PHTF1: variants seen among roughly 807,000 people sequenced by gnomAD.
The protein encoded by PHTF1 is protein PHTF1.
A neutral mutation model predicts 102.4 loss-of-function variants in PHTF1; 88 were observed. The ratio of observed to expected loss-of-function variants is 0.86; its 90% CI spans 0.72 to 1.03. The LOEUF (loss-of-function observed/expected upper bound fraction) is 1.03. Ranked by LOEUF, PHTF1 falls within the 50% of genes least tolerant of loss-of-function variation. The probability of loss-of-function intolerance (pLI) is 0.00; values close to 1 mark genes in which losing one functional copy is unlikely to be tolerated. For missense variants in PHTF1, 814 were observed against 909.5 expected, an observed-to-expected ratio of 0.89 and a Z score of 1.35; for synonymous variants, 289 against 305.2, an observed-to-expected ratio of 0.95 and a Z score of 0.55.
rs34844793 is a variant in PHTF1, at chr1:113,701,826, TAAAAAAAAAAAAAAAAAAA to T, written c.1891-896_1891-878del. On this transcript the variant is annotated intron_variant, in intron 15 of 18. Coordinates refer to ENST00000369604, the MANE Select transcript of PHTF1 (RefSeq NM_001323043.2). ...TGGCAACCTGGAATTCAATTCCTGG[TAAAAAAAAAAAAAAAAAAA>T]AAAAAAAAAAAAAATCATTCAGAAG... 2.5e-3 allele frequency among the ~76,000 whole-genome samples: 71 copies of T among 28,006 alleles called. 3 individuals carry two copies. Among genetic ancestry groups the T allele is most frequent in the Middle Eastern group, 0.062 (2 of 32 alleles). 18.4% of individuals were successfully genotyped at this position (28,006 alleles called of 152,430 possible). A position where few individuals can be genotyped will look rare whatever the true frequency, so the allele number is the denominator to read the frequency against.
chr1:113,753,226 T>C (rs1345600049), intron 3 of PHTF1, among the ~76,000 whole-genome samples: 1 of 152,230 alleles, frequency 6.6e-6, no homozygotes, highest in Non-Finnish European at 1.5e-5. Flanking sequence ...TCTTATGATG[T>C]CTTTGTCTGG....
At chr1:113,712,682 T>C (rs530738171) in intron 8 of PHTF1, among the ~76,000 whole-genome samples, 1 of 152,328 alleles carries the variant, frequency 6.6e-6, no homozygotes, top group South Asian at 2.1e-4. Context: ...CCCAAACTCT[T>C]ACTATACTAT....
intron 3 of PHTF1, among the ~76,000 whole-genome samples, chr1:113,742,349 C>T (rs1025064686): frequency 3.9e-5 from 6 of 152,082 alleles, no homozygotes; most frequent in South Asian, 2.1e-4. Flanking sequence ...TGGGGCTGGG[C>T]GCGGTGGCTC....
At chr1:113,734,462 T>A (rs912446972) in intron 5 of PHTF1, among the ~76,000 whole-genome samples, 3 of 152,218 alleles carry the variant, frequency 2.0e-5, no homozygotes, top group Admixed American at 6.5e-5. Context: ...CAATCCTTGT[T>A]ACAGAGTGGT....
chr1:113,734,295 A>C (rs896864438), intron 5 of PHTF1, among the ~76,000 whole-genome samples: 1 of 152,142 alleles, frequency 6.6e-6, no homozygotes, highest in African/African-American at 2.4e-5. Flanking sequence ...AAAAACAAAG[A>C]AAGAAAAGAG....
At chr1:113,750,645 T>C (rs1657921986) in intron 3 of PHTF1, among the ~76,000 whole-genome samples, 1 of 149,244 alleles carries the variant, frequency 6.7e-6, no homozygotes, top group East Asian at 2.1e-4. Context: ...GATCATGAAA[T>C]CAAGAGATCG....
Position 113,724,761 on chromosome 1 carries a change from G to C in PHTF1, c.621C>G (p.Asn207Lys). The change falls in exon 7 of 19, where the codon AAC becomes AAG. Residue 207 changes from asparagine to lysine, a missense_variant and splice_region_variant. Coordinates refer to ENST00000369604, the MANE Select transcript of PHTF1 (RefSeq NM_001323043.2). ...IGGFWETIFGNRIKRVKLISN... is the reference protein window; with the variant it reads ...IGGFWETIFGKRIKRVKLISN... ...AATCAAGTAAAAAAGACTCCCACCT[G>C]TTGCCAAAGATAGTCTCCCAAAAAC... is the stretch of plus-strand genomic sequence containing the variant. 6.3e-7 allele frequency: 1 copy of C among 1,594,184 alleles called. No homozygotes were observed. Among genetic ancestry groups the C allele is most frequent in the Non-Finnish European group, 8.5e-7 (1 of 1,174,106 alleles).
chr1:113,710,120 C>CTATATG lies in PHTF1; in HGVS notation c.1269+133_1269+134insCATATA, dbSNP rs2101152574. 1.6e-5 allele frequency: 11 copies of CTATATG among 680,458 alleles called. No individual in the cohort carries two copies. The South Asian group carries it at 2.0e-4, about 12-fold the overall frequency. 42.2% of individuals were successfully genotyped at this position (680,458 alleles called of 1,614,324 possible). A position where few individuals can be genotyped will look rare whatever the true frequency, so the allele number is the denominator to read the frequency against. The stretch of plus-strand genomic sequence containing the variant: ...TTCACTTATAGACTATGCTCAGTTT[C>CTATATG]CTCACCTCTAAACTGGGGATAATAA... On this transcript the variant is annotated intron_variant, in intron 11 of 18. Transcript: ENST00000369604.
chr1:113,751,119 A>C (rs980627617), intron 3 of PHTF1, among the ~76,000 whole-genome samples: 1 of 152,162 alleles, frequency 6.6e-6, no homozygotes, highest in Non-Finnish European at 1.5e-5. Flanking sequence ...ATATTTTTTA[A>C]AAATTTAGAA....
At chr1:113,755,964 G>A (rs1658805423) in intron 3 of PHTF1, among the ~76,000 whole-genome samples, 1 of 151,858 alleles carries the variant, frequency 6.6e-6, no homozygotes. Flanking sequence ...CTACTCGGGA[G>A]GCTGAGGCAG....
intron 11 of PHTF1, among the ~76,000 whole-genome samples, chr1:113,709,760 T>C (rs2101149699): frequency 6.6e-6 from 1 of 152,336 alleles, no homozygotes; most frequent in Non-Finnish European, 1.5e-5. Flanking sequence ...TTTACACAGA[T>C]GTAGAATGAA....
chr1:113,746,367 A>G (rs1657231751), intron 3 of PHTF1, among the ~76,000 whole-genome samples: 1 of 152,196 alleles, frequency 6.6e-6, no homozygotes, highest in South Asian at 2.1e-4. Flanking sequence ...TCATGGGAGG[A>G]AGGTCACATT....
In PHTF1 at chr1:113,722,903, G is replaced by C. The variant is rs796127406; in HGVS notation, c.623+1856C>G. Among the ~76,000 whole-genome samples, 60 of 149,214 alleles carry C rather than the reference G, an allele frequency of 4.0e-4. 1 individual carries two copies. The highest frequency in any genetic ancestry group is 1.4e-3 in the African/African-American group (56 of 40,540). On this transcript the variant is annotated intron_variant, in intron 7 of 18. Transcript: ENST00000369604. ...CCATTGCACTCCAGCCTGGATGACA[G>C]AGGAAGACTCCATCTCAAATAAATA...
chr1:113,730,107 A>C (rs918899417), intron 5 of PHTF1, among the ~76,000 whole-genome samples: 3 of 152,198 alleles, frequency 2.0e-5, no homozygotes, highest in South Asian at 2.1e-4. Flanking sequence ...ACCCAAAACT[A>C]TAGCTACCTG....
At chr1:113,754,788 TTTCAATTTTCTACAGAATAGTATC>T (rs2101726504) in intron 3 of PHTF1, among the ~76,000 whole-genome samples, 1 of 152,296 alleles carries the variant, frequency 6.6e-6, no homozygotes, top group Non-Finnish European at 1.5e-5. Context: ...CATTAAAACC[TTTCAATTTTCTACAGAATAGTATC>T]TAAAGTTCTT....
intron 7 of PHTF1, among the ~76,000 whole-genome samples, chr1:113,722,487 T>C (rs1403228501): frequency 3.9e-5 from 6 of 152,144 alleles, no homozygotes; most frequent in African/African-American, 1.2e-4. Context: ...AGATATTCCA[T>C]AGTTTATGAA....
intron 6 of PHTF1, 30 bp from the exon 7 acceptor site, chr1:113,724,923 T>C (rs1453531865): frequency 1.3e-6 from 2 of 1,537,948 alleles, no homozygotes; most frequent in Non-Finnish European, 1.8e-6. Context: ...TAACTTCAGA[T>C]TATTCAAGAC....
chr1:113,718,055 C>T (rs1652349679), intron 7 of PHTF1, among the ~76,000 whole-genome samples: 1 of 152,128 alleles, frequency 6.6e-6, no homozygotes, highest in South Asian at 2.1e-4. Flanking sequence ...TGAAACAAGG[C>T]AAGTCCCTTC....
In PHTF1 at chr1:113,700,918, T is replaced by C. The variant is rs1406452402; in HGVS notation, c.1922A>G (p.Asp641Gly). The C allele has an allele frequency of 6.2e-7, 1 of 1,612,066 alleles. No homozygotes were observed. Residue 641 changes from aspartate (D) to glycine (G), a missense_variant, in exon 16 of 19, where the codon GAT becomes GGT. By Grantham distance (94) the Asp-to-Gly change is moderately conservative (BLOSUM62 -1). Coordinates refer to ENST00000369604, the MANE Select transcript of PHTF1 (RefSeq NM_001323043.2). ...VLQGHKTFLN[D>G]AYNWEFLIWE... ...GATCAAAAACTCCCAGTTATAAGCA[T>C]CATTCAGGAAAGTTTTATGTCCTTG...
Sources: allele counts gnomAD v4.1 joint callset (sites outside exome capture counted in the v4.1 genomes callset), GRCh38; gene constraint gnomAD v4.1.1; transcripts MANE v1.5; gene names NCBI Gene and HGNC (gene_info 2026-07-23, HGNC 2026-07-21).